Variants in INTS8 observed in about 807,000 individuals in gnomAD.
The protein encoded by INTS8 is protein kaonashi-1.
In INTS8, 47 loss-of-function variants were observed where a neutral mutation model predicts 138.9. The ratio of observed to expected loss-of-function variants is 0.34; its 90% CI spans 0.27 to 0.43. The LOEUF is 0.43. Ranked by LOEUF, INTS8 falls within the 20% of genes least tolerant of loss-of-function variation. INTS8 has a pLI of 1.00. For synonymous variants in INTS8, 392 were observed against 400.9 expected, an observed-to-expected ratio of 0.98 and a Z score of 0.27; for missense variants, 996 against 1,173.0, an observed-to-expected ratio of 0.85 and a Z score of 2.20.
intron 20 of INTS8, among the ~76,000 whole-genome samples, chr8:94,870,787 TA>T (rs752171234): frequency 6.6e-6 from 1 of 152,348 alleles, no homozygotes; most frequent in South Asian, 2.1e-4. Context: ...ATTCACCTTG[TA>T]AATGATAGAG....
intron 2 of INTS8, among the ~76,000 whole-genome samples, chr8:94,826,446 A>G (rs1814507599): frequency 6.6e-6 from 1 of 152,002 alleles, no homozygotes; most frequent in Admixed American, 6.6e-5. Flanking sequence ...CATAAAGTGT[A>G]TTTTTAATCT....
At chr8:94,835,823 C>T (rs1814907512) in intron 6 of INTS8, among the ~76,000 whole-genome samples, 2 of 152,146 alleles carry the variant, frequency 1.3e-5, no homozygotes, top group South Asian at 2.1e-4. Context: ...TGGTCTCGAA[C>T]TCTTGACCTC....
chr8:94,869,860 T>A (rs1228654973), intron 20 of INTS8, among the ~76,000 whole-genome samples: 2 of 152,118 alleles, frequency 1.3e-5, no homozygotes, highest in Admixed American at 6.5e-5. Context: ...ATGATTGGTT[T>A]CCAGCGTGTT....
intron 8 of INTS8, among the ~76,000 whole-genome samples, chr8:94,839,040 A>G (rs936729625): frequency 6.6e-6 from 1 of 152,218 alleles, no homozygotes; most frequent in Non-Finnish European, 1.5e-5. Context: ...TTTACAAAAC[A>G]TTAAGTCTTG....
rs1815451177 is a variant in INTS8, at chr8:94,849,447, T to G, written c.1261-15T>G. The G allele has an allele frequency of 7.4e-7, 1 of 1,345,724 alleles. No individual in the cohort carries two copies. The highest frequency in any genetic ancestry group is 1.5e-5 in the African/African-American group (1 of 67,144). 83.4% of individuals were successfully genotyped at this position (1,345,724 alleles called of 1,614,324 possible). A position where few individuals can be genotyped will look rare whatever the true frequency, so the allele number is the denominator to read the frequency against. On this transcript the variant is annotated splice_polypyrimidine_tract_variant and intron_variant, in intron 10 of 26. Transcript: ENST00000523731. ...TAAGTACCCATATTCAAATGAAAAT[T>G]ACTCAAATTCCTAGGTATGTTCAAG...
At chr8:94,858,533 G>T (rs753337988) in intron 15 of INTS8, among the ~76,000 whole-genome samples, 3 of 152,226 alleles carry the variant, frequency 2.0e-5, no homozygotes, top group Non-Finnish European at 4.4e-5. Context: ...AAATGAGAAA[G>T]AATGTTTAAA....
chr8:94,843,382 A>C (rs529706213), intron 10 of INTS8, among the ~76,000 whole-genome samples: 37 of 152,312 alleles, frequency 2.4e-4, no homozygotes, highest in Non-Finnish European at 8.8e-5. Context: ...CCTGGTAAAC[A>C]TAGTGAAACT....
At chr8:94,877,249 G>A (rs1373120168) in intron 26 of INTS8, among the ~76,000 whole-genome samples, 1 of 152,148 alleles carries the variant, frequency 6.6e-6, no homozygotes, top group African/African-American at 2.4e-5. Flanking sequence ...AACATTTACT[G>A]TGGCAGTATC....
chr8:94,844,875 C>T lies in INTS8; in HGVS notation c.1260+2387C>T, dbSNP rs184150525. On this transcript the variant is annotated intron_variant, in intron 10 of 26. Coordinates refer to ENST00000523731, the MANE Select transcript of INTS8 (RefSeq NM_017864.4). ...TCAAGCCATCCTCCCACCTCAGCCT[C>T]CTGAGTAGCTGGGACTACAGGCATG... 4.5e-3 allele frequency among the ~76,000 whole-genome samples: 688 copies of T among 151,882 alleles called. 3 individuals carry two copies. Among genetic ancestry groups the T allele is most frequent in the African/African-American group, 0.015 (639 of 41,432 alleles).
intron 15 of INTS8, among the ~76,000 whole-genome samples, chr8:94,859,063 C>T (rs566511022): frequency 3.9e-4 from 59 of 151,920 alleles, no homozygotes; most frequent in African/African-American, 1.2e-3. Context: ...TCCAGGAGTT[C>T]GAGACCAGCC....
intron 8 of INTS8, among the ~76,000 whole-genome samples, chr8:94,840,801 C>T (rs576503611): frequency 5.2e-4 from 79 of 152,200 alleles, no homozygotes; most frequent in Non-Finnish European, 3.8e-4. Context: ...TCGTGATCCA[C>T]CTACCTTGGC....
At position 94,859,570 on chromosome 8, in the gene INTS8, GA is replaced by G; in HGVS notation, c.2018del (p.Asn673MetfsTer19). On this transcript the variant is annotated frameshift_variant, in exon 16 of 27. Transcript: ENST00000523731. LOFTEE classifies it high-confidence loss of function. ...ECVAFMLNWR[E>X]NEYLTLQVPA... ...TGTTGCCTTTATGTTAAACTGGAGAGAAAATGAATACCTTACACTCCAAGTT... is the reference window on the plus strand; with the variant it reads ...TGTTGCCTTTATGTTAAACTGGAGAGAAATGAATACCTTACACTCCAAGTT... The G allele has an allele frequency of 6.2e-7, 1 of 1,612,584 alleles. No homozygotes were observed. Among genetic ancestry groups the G allele is most frequent in the Non-Finnish European group, 8.5e-7 (1 of 1,178,736 alleles).
chr8:94,841,897 G>A (rs28607584), intron 9 of INTS8, among the ~76,000 whole-genome samples: 15 of 151,866 alleles, frequency 9.9e-5, no homozygotes, highest in Non-Finnish European at 2.1e-4. Context: ...GTGAAACCCC[G>A]TCTCTACCAA....
At chr8:94,844,107 C>T (rs1363390999) in intron 10 of INTS8, among the ~76,000 whole-genome samples, 15 of 150,764 alleles carry the variant, frequency 9.9e-5, no homozygotes, top group African/African-American at 3.2e-4. Context: ...GGCGTGATCT[C>T]GGCTCACTGC....
At chr8:94,846,807 T>C (rs557497432) in intron 10 of INTS8, among the ~76,000 whole-genome samples, 3 of 152,214 alleles carry the variant, frequency 2.0e-5, no homozygotes, top group Non-Finnish European at 4.4e-5. Flanking sequence ...TAACGAATTA[T>C]TTTTAGATTG....
chr8:94,828,430 GT>G (rs1239456420), intron 4 of INTS8, among the ~76,000 whole-genome samples: 6 of 152,194 alleles, frequency 3.9e-5, no homozygotes, highest in Non-Finnish European at 5.9e-5. Flanking sequence ...CAATACAAAA[GT>G]TGATCGTATC....
At chr8:94,849,401 A>G in intron 10 of INTS8, 61 bp from the exon 11 acceptor site, 2 of 881,400 alleles carry the variant, frequency 2.3e-6, no homozygotes, top group Non-Finnish European at 3.6e-6. Context: ...CAGCCTTTTC[A>G]AATTATAATT....
chr8:94,839,448 A>T (rs1047860473), intron 8 of INTS8, among the ~76,000 whole-genome samples: 4 of 152,172 alleles, frequency 2.6e-5, no homozygotes, highest in Non-Finnish European at 5.9e-5. Flanking sequence ...TAAAGCCATA[A>T]CTTAGTTTTG....
At chr8:94,829,117 T>A in intron 5 of INTS8, 91 bp downstream of exon 5, 2 of 912,956 alleles carry the variant, frequency 2.2e-6, no homozygotes, top group Non-Finnish European at 3.5e-6. Flanking sequence ...ACTGGTTTTG[T>A]GGAAGGCAAT....
Sources: gnomAD v4.1 joint callset for allele counts (sites outside exome capture counted in the v4.1 genomes callset) on GRCh38, gnomAD v4.1.1 for gene constraint, MANE v1.5 for transcripts, NCBI Gene and HGNC (gene_info 2026-07-23, HGNC 2026-07-21) for gene names.